The following GLIS3 variants were observed in gnomAD, a reference collection of about 807,000 sequenced individuals.
GLIS3 encodes the protein zinc finger protein GLIS3.
Under a neutral mutation model 78.6 loss-of-function variants are expected in GLIS3, and 53 were observed. The ratio of observed to expected loss-of-function variants is 0.67; its 90% confidence interval spans 0.54 to 0.85. The LOEUF (loss-of-function observed/expected upper bound fraction) is 0.85. Ranked by LOEUF, GLIS3 falls within the 40% of genes least tolerant of loss-of-function variation. The pLI is 0.00. For missense variants in GLIS3, 1,703 were observed against 1,231.1 expected, an observed-to-expected ratio of 1.38 and a Z score of -5.74; for synonymous variants, 684 against 509.9, an observed-to-expected ratio of 1.34 and a Z score of -4.60.
intron 2 of GLIS3, among the ~76,000 whole-genome samples, chr9:4,127,516 C>T (rs889316165): frequency 4.0e-5 from 6 of 151,866 alleles, no homozygotes; most frequent in Admixed American, 2.6e-4. Context: ...CTGTATTATC[C>T]GGGCTTCATC....
chr9:4,197,966 G>C (rs1190870575), intron 2 of GLIS3, among the ~76,000 whole-genome samples: 1 of 151,772 alleles, frequency 6.6e-6, no homozygotes, highest in Admixed American at 6.6e-5. Context: ...CAAAAAGAAA[G>C]AACAAAAATA....
At chr9:4,224,464 G>T (rs1383202655) in intron 2 of GLIS3, among the ~76,000 whole-genome samples, 1 of 152,142 alleles carries the variant, frequency 6.6e-6, no homozygotes, top group Admixed American at 6.5e-5. Context: ...GACTCCCTGG[G>T]AAAATCACTA....
chr9:4,270,005 C>T (rs1826360167), intron 2 of GLIS3, among the ~76,000 whole-genome samples: 2 of 152,178 alleles, frequency 1.3e-5, no homozygotes, highest in Non-Finnish European at 2.9e-5. Context: ...TGGGAATTAG[C>T]CAAATGTTTG....
chr9:4,058,791 T>C (rs372500791), intron 4 of GLIS3, among the ~76,000 whole-genome samples: 28 of 152,102 alleles, frequency 1.8e-4, no homozygotes, highest in South Asian at 1.0e-3. Context: ...CCATCCTGGC[T>C]AACACAGTGA....
chr9:3,939,129 G>A (rs1826062259), intron 4 of GLIS3, among the ~76,000 whole-genome samples: 1 of 152,094 alleles, frequency 6.6e-6, no homozygotes, highest in Admixed American at 6.5e-5. Context: ...CCAGCTCCCG[G>A]GGCACATACC....
At chr9:3,886,833 G>C (rs192028129) in intron 7 of GLIS3, among the ~76,000 whole-genome samples, 1 of 152,176 alleles carries the variant, frequency 6.6e-6, no homozygotes, top group Non-Finnish European at 1.5e-5. Context: ...GGAAGGCTGC[G>C]TTTGGTATTG....
intron 2 of GLIS3, among the ~76,000 whole-genome samples, chr9:4,264,935 G>T (rs926325485): frequency 6.6e-6 from 1 of 152,006 alleles, no homozygotes; most frequent in Non-Finnish European, 1.5e-5. Flanking sequence ...GGGATGCCCA[G>T]GTGGGTGGAT....
chr9:4,285,566 T>A (rs1827912375), intron 2 of GLIS3: 2 of 152,772 alleles, frequency 1.3e-5, no homozygotes, highest in Admixed American at 1.3e-4. Flanking sequence ...GTTATTAAAA[T>A]TTCCCTTTTT....
chr9:3,985,828 G>C (rs989244861), intron 4 of GLIS3, among the ~76,000 whole-genome samples: 2 of 152,170 alleles, frequency 1.3e-5, no homozygotes, highest in African/African-American at 4.8e-5. Flanking sequence ...AAACAATTTT[G>C]TGATGGAACA....
chr9:4,389,097 T>G, the GLIS3 span, among the ~76,000 whole-genome samples: 1 of 152,232 alleles, frequency 6.6e-6, no homozygotes, highest in African/African-American at 2.4e-5. Flanking sequence ...CAGCAGCTAC[T>G]GAGTACCTAC....
intron 9 of GLIS3, among the ~76,000 whole-genome samples, chr9:3,842,170 T>C (rs1818760169): frequency 6.6e-6 from 1 of 152,164 alleles, no homozygotes; most frequent in Non-Finnish European, 1.5e-5. Context: ...CCTGGTTCTA[T>C]AGCTTTTTAA....
At chr9:4,367,427 A>G in the GLIS3 span, among the ~76,000 whole-genome samples, 1 of 152,090 alleles carries the variant, frequency 6.6e-6, no homozygotes, top group African/African-American at 2.4e-5. Context: ...TTGATCCCCT[A>G]AACTAGGTCT....
chr9:3,873,192 C>CA (rs1821076253), intron 8 of GLIS3, among the ~76,000 whole-genome samples: 1 of 152,112 alleles, frequency 6.6e-6, no homozygotes, highest in Non-Finnish European at 1.5e-5. Flanking sequence ...GAAACTATTC[C>CA]AAAAAATTGA....
intron 8 of GLIS3, among the ~76,000 whole-genome samples, chr9:3,863,190 G>A (rs1250805770): frequency 6.6e-6 from 1 of 152,150 alleles, no homozygotes; most frequent in Non-Finnish European, 1.5e-5. Flanking sequence ...AACGATTTAT[G>A]AATCACTTCA....
chr9:4,194,354 C>G (rs1352253064), intron 2 of GLIS3, among the ~76,000 whole-genome samples: 1 of 152,174 alleles, frequency 6.6e-6, no homozygotes, highest in Non-Finnish European at 1.5e-5. Flanking sequence ...GCCACAGCAC[C>G]TGGCCTGCCA....
chr9:4,216,365 C>G (rs1054311774), intron 2 of GLIS3, among the ~76,000 whole-genome samples: 12 of 151,256 alleles, frequency 7.9e-5, no homozygotes, highest in African/African-American at 2.9e-4. Context: ...CCGAGCTACT[C>G]AAGAGGTTGA....
At chr9:4,167,625 G>C (rs886123511) in intron 2 of GLIS3, among the ~76,000 whole-genome samples, 1 of 152,166 alleles carries the variant, frequency 6.6e-6, no homozygotes, top group Non-Finnish European at 1.5e-5. Flanking sequence ...GTGAGGATTA[G>C]AAAGATTAAA....
chr9:4,257,589 T>TGTTGTTGTTGTTGTTG (rs1182895631), intron 2 of GLIS3, among the ~76,000 whole-genome samples: 4 of 152,042 alleles, frequency 2.6e-5, no homozygotes, highest in East Asian at 3.9e-4. Context: ...GTTGTTATTT[T>TGTTGTTGTTGTTGTTG]TTGAGACGGA....
the GLIS3 span, among the ~76,000 whole-genome samples, chr9:4,411,401 T>C: frequency 2.0e-5 from 3 of 152,208 alleles, no homozygotes; most frequent in African/African-American, 4.8e-5. Context: ...TACTGGGTTA[T>C]GAGGTCGTGA....
Sources: allele counts gnomAD v4.1 joint callset (sites outside exome capture counted in the v4.1 genomes callset), GRCh38; gene constraint gnomAD v4.1.1; transcripts MANE v1.5; gene names NCBI Gene and HGNC (gene_info 2026-07-23, HGNC 2026-07-21).